Variants in LYST observed in about 807,000 individuals in gnomAD.
LYST encodes lysosomal trafficking regulator.
Under a neutral mutation model 413.6 loss-of-function variants are expected in LYST, and 192 were observed. That is an observed-to-expected ratio of 0.46 (90% CI 0.41 to 0.52). The LOEUF is 0.52. Among genes scored for constraint, LYST ranks in the 20% least tolerant of loss-of-function variants. The pLI is 0.00. For missense variants in LYST, 3,815 were observed against 4,499.9 expected, an observed-to-expected ratio of 0.85 and a Z score of 4.35; for synonymous variants, 1,525 against 1,567.3, an observed-to-expected ratio of 0.97 and a Z score of 0.64.
rs1187587312 is a variant in LYST at position 235,771,913 on chromosome 1, G to GTTTTTTTTT, written c.5785-1617_5785-1616insAAAAAAAAA. ...CTAATAGATTAGAAAAGGTTTTTTAGTTTGTTTTTTTTTTTTTTTTTTTTT... is the reference window on the plus strand; with the variant it reads ...CTAATAGATTAGAAAAGGTTTTTTAGTTTTTTTTTTTTGTTTTTTTTTTTTTTTTTTTTT... On this transcript the variant is annotated intron_variant, in intron 19 of 52. Transcript: ENST00000389793. Among the ~76,000 whole-genome samples, 68 of 95,132 alleles carry GTTTTTTTTT rather than the reference G, an allele frequency of 7.1e-4. 3 individuals carry two copies. The highest frequency in any genetic ancestry group is 9.2e-4 in the Non-Finnish European group (43 of 46,644). The allele number at this position is 95,132 out of a possible 152,430, so 62.4% of individuals were successfully genotyped here.
chr1:235,836,101 T>C (rs1676542856), intron 1 of LYST, among the ~76,000 whole-genome samples: 1 of 152,210 alleles, frequency 6.6e-6, no homozygotes, highest in African/African-American at 2.4e-5. Context: ...TTTTTCCTCA[T>C]ATAGTGACTG....
At chr1:235,766,009 T>A (rs1011130300) in intron 21 of LYST, 70 bp downstream of exon 21, 11 of 1,168,536 alleles carry the variant, frequency 9.4e-6, no homozygotes, top group Non-Finnish European at 1.4e-5. Context: ...GTCAAACAAA[T>A]GTGAATCAAG....
chr1:235,762,144 T>C (rs1321750923), intron 22 of LYST, among the ~76,000 whole-genome samples: 4 of 152,090 alleles, frequency 2.6e-5, no homozygotes, highest in Admixed American at 6.6e-5. Flanking sequence ...AAAGATTCTG[T>C]TCAAAAGACT....
chr1:235,738,913 T>C, intron 31 of LYST: 1 of 732,770 alleles, frequency 1.4e-6, no homozygotes, highest in Non-Finnish European at 2.6e-6. Flanking sequence ...AAGGTGACTC[T>C]GACTCCTGAG....
chr1:235,786,712 T>C (rs1572254151), intron 14 of LYST, among the ~76,000 whole-genome samples: 2 of 151,946 alleles, frequency 1.3e-5, no homozygotes, highest in African/African-American at 2.4e-5. Context: ...TGGAATACTA[T>C]GCAGCCATAA....
intron 1 of LYST, among the ~76,000 whole-genome samples, chr1:235,880,124 C>G (rs1681316852): frequency 6.6e-6 from 1 of 152,128 alleles, no homozygotes; most frequent in Non-Finnish European, 1.5e-5. Flanking sequence ...AGCACTGTAC[C>G]TTTTATGTCT....
chr1:235,752,077 A>G lies in LYST; in HGVS notation c.7555T>C (p.Tyr2519His), dbSNP rs759176121. Residue 2519 changes from tyrosine to histidine, a missense_variant, in exon 27 of 53, where the codon TAT (tyrosine) becomes CAT (histidine). By Grantham distance (83) the Tyr-to-His change is moderately conservative. Transcript: ENST00000389793. ...ATAAGGTCTTCAATAACCCTAAAAT[A>G]TTGTGAGCCTGAGGAACTGCAAGCA... ...IHACSSSGSQ[Y>H]FRVIEDLIVM... 1 of 1,611,062 alleles carries G rather than the reference A, an allele frequency of 6.2e-7. No individual in the cohort carries two copies. Among genetic ancestry groups the G allele is most frequent in the East Asian group, 2.2e-5 (1 of 44,754 alleles).
chr1:235,846,765 A>G (rs921674348), intron 1 of LYST, among the ~76,000 whole-genome samples: 8 of 152,272 alleles, frequency 5.3e-5, no homozygotes, highest in African/African-American at 1.7e-4. Flanking sequence ...CTAAACAAGT[A>G]GAAGAAAGAA....
In LYST at chr1:235,720,741, G is replaced by A; in HGVS notation, c.9480C>T (p.Leu3160=). The change falls in exon 40 of 53, where the codon CTC becomes CTT. Residue 3160 remains leucine (L), a synonymous_variant. Transcript: ENST00000389793. ...NKHAGRSFND[L]MQYPVFPFIL... The stretch of plus-strand genomic sequence containing the variant: ...TAAATGGGAACACAGGATACTGCAT[G>A]AGATCATTGAAGGATCGGCCAGCAT... 1.9e-6 allele frequency: 3 copies of A among 1,613,956 alleles called. No individual in the cohort carries two copies. The highest frequency in any genetic ancestry group is 2.5e-6 in the Non-Finnish European group (3 of 1,179,860).
At chr1:235,720,632 C>A in intron 40 of LYST, 29 bp downstream of exon 40, 2 of 1,609,788 alleles carry the variant, frequency 1.2e-6, no homozygotes, top group Non-Finnish European at 1.7e-6. Flanking sequence ...GATGGATGAA[C>A]CCTAAAGGTG....
rs760344189 is a variant in LYST at position 235,709,133 on chromosome 1, C to T, written c.10101G>A (p.Lys3367=). The change falls in exon 44 of 53, where the codon AAG becomes AAA. Residue 3367 remains lysine, a synonymous_variant. Transcript: ENST00000389793. ...WIDLVFGYKQ[K]GKASVQAINV... ...TGATCGCTTGAACAGAAGCCTTCCCCTTTTGCTTATACCCAAACACCAAGT... is the reference window on the plus strand; with the variant it reads ...TGATCGCTTGAACAGAAGCCTTCCCTTTTTGCTTATACCCAAACACCAAGT... 4 of 1,613,954 alleles carry T rather than the reference C, an allele frequency of 2.5e-6. No homozygotes were observed. Among genetic ancestry groups the T allele is most frequent in the East Asian group, 2.2e-5 (1 of 44,892 alleles).
At chr1:235,712,859 C>G (rs565993899) in intron 42 of LYST, 4 of 985,140 alleles carry the variant, frequency 4.1e-6, no homozygotes, top group East Asian at 2.3e-4. Context: ...AGTTTGGACT[C>G]TCTTTTCTGC....
intron 12 of LYST, among the ~76,000 whole-genome samples, chr1:235,791,155 C>T (rs111975307): frequency 0.04 from 6,062 of 151,970 alleles, 416 homozygotes; most frequent in African/African-American, 0.14. Context: ...TGATTGCTGG[C>T]GCCTGAATCC....
intron 3 of LYST, chr1:235,829,105 G>A (rs1045665163): frequency 1.1e-4 from 17 of 152,226 alleles, no homozygotes; most frequent in African/African-American, 4.1e-4. Flanking sequence ...TTAGGTGGCT[G>A]AGACACAAGA....
chr1:235,848,117 G>A (rs940786981), intron 1 of LYST, among the ~76,000 whole-genome samples: 1 of 152,126 alleles, frequency 6.6e-6, no homozygotes, highest in Non-Finnish European at 1.5e-5. Context: ...CTCCAAGATA[G>A]ATCATATGAC....
intron 40 of LYST, among the ~76,000 whole-genome samples, chr1:235,719,689 CAA>C (rs1056673667): frequency 2.7e-5 from 4 of 149,780 alleles, no homozygotes; most frequent in African/African-American, 7.4e-5. Context: ...GGATTCTTGC[CAA>C]AAAAAGAGTT....
intron 45 of LYST, among the ~76,000 whole-genome samples, chr1:235,699,362 T>C (rs1279618245): frequency 6.6e-6 from 1 of 152,180 alleles, no homozygotes; most frequent in Non-Finnish European, 1.5e-5. Context: ...CTTGTGTTAG[T>C]TTGCTGAGGA....
chr1:235,876,009 ACT>A (rs763199459), intron 1 of LYST, among the ~76,000 whole-genome samples: 11 of 151,636 alleles, frequency 7.3e-5, no homozygotes, highest in Non-Finnish European at 1.5e-4. Context: ...CACTAGAACC[ACT>A]CAGTAGTTTG....
intron 45 of LYST, among the ~76,000 whole-genome samples, chr1:235,700,600 T>C (rs1661468917): frequency 1.3e-5 from 2 of 152,234 alleles, no homozygotes; most frequent in South Asian, 4.1e-4. Flanking sequence ...AGGCTTGTGT[T>C]TGCATTTTGT....
Sources: gnomAD v4.1 joint callset for allele counts (sites outside exome capture counted in the v4.1 genomes callset) on GRCh38, gnomAD v4.1.1 for gene constraint, MANE v1.5 for transcripts, NCBI Gene and HGNC (gene_info 2026-07-23, HGNC 2026-07-21) for gene names.